FMN2: variants seen among roughly 807,000 people sequenced by gnomAD.
The protein encoded by FMN2 is formin 2.
FMN2 carries 51 observed loss-of-function variants against 142.3 expected under a neutral mutation model. The ratio of observed to expected loss-of-function variants is 0.36; its 90% confidence interval spans 0.29 to 0.45. The LOEUF is 0.45. FMN2 is among the 20% of genes least tolerant of loss of function. The pLI is 1.00. For missense variants in FMN2, 1,936 were observed against 2,122.8 expected, an observed-to-expected ratio of 0.91 and a Z score of 1.73; for synonymous variants, 882 against 869.8, an observed-to-expected ratio of 1.01 and a Z score of -0.25.
chr1:240,379,202 A>AATT (rs1221704938), intron 14 of FMN2, among the ~76,000 whole-genome samples: 11 of 152,144 alleles, frequency 7.2e-5, no homozygotes, highest in African/African-American at 2.7e-4. Flanking sequence ...TTTTACTAAT[A>AATT]ATTTACCTAC....
intron 14 of FMN2, among the ~76,000 whole-genome samples, chr1:240,376,929 T>A (rs1386479004): frequency 6.6e-6 from 1 of 152,206 alleles, no homozygotes; most frequent in Non-Finnish European, 1.5e-5. Context: ...ACAGGTGATG[T>A]CAGAACTCTA....
chr1:240,431,097 T>G (rs1180395786), intron 15 of FMN2, among the ~76,000 whole-genome samples: 2 of 152,070 alleles, frequency 1.3e-5, no homozygotes, highest in Admixed American at 1.3e-4. Context: ...ACCTTTACAG[T>G]TATTTCAGCT....
Position 240,093,106 on chromosome 1 carries a change from G to T in FMN2, c.997G>T (p.Glu333Ter). The part of the protein sequence containing the change: ...FPFPEAGPGE[E>*]AAGAPVRGAG... ...ATTTCCCGAGGCCGGGCCGGGGGAG[G>T]AAGCGGCCGGAGCCCCCGTGCGAGG... The change falls in exon 1 of 18, where the codon GAA (glutamate) becomes TAA (stop). Residue 333 changes from glutamate (E) to a stop codon, truncating the protein, a stop_gained. Coordinates refer to ENST00000319653, the MANE Select transcript of FMN2 (RefSeq NM_020066.5). LOFTEE classifies it high-confidence loss of function. 1 of 1,398,270 alleles carries T rather than the reference G, an allele frequency of 7.2e-7. No individual in the cohort carries two copies. The highest frequency in any genetic ancestry group is 9.2e-7 in the Non-Finnish European group (1 of 1,085,546). The allele number at this position is 1,398,270 out of a possible 1,614,324, so 86.6% of individuals were successfully genotyped here. A position where few individuals can be genotyped will look rare whatever the true frequency, so the allele number is the denominator to read the frequency against.
At chr1:240,159,171 T>C (rs1183899382) in intron 2 of FMN2, among the ~76,000 whole-genome samples, 1 of 151,998 alleles carries the variant, frequency 6.6e-6, no homozygotes, top group Non-Finnish European at 1.5e-5. Context: ...GCTACAAAAT[T>C]ATAAAGACTG....
intron 2 of FMN2, among the ~76,000 whole-genome samples, chr1:240,167,963 T>C (rs907274665): frequency 6.6e-6 from 1 of 152,098 alleles, no homozygotes; most frequent in Admixed American, 6.6e-5. Flanking sequence ...TCCCAGCTCC[T>C]GAGGAAGCTG....
intron 16 of FMN2, among the ~76,000 whole-genome samples, chr1:240,457,295 C>T (rs1676284755): frequency 6.6e-6 from 1 of 152,202 alleles, no homozygotes; most frequent in Non-Finnish European, 1.5e-5. Flanking sequence ...AGAGCATTTT[C>T]ATTCCAATTT....
intron 8 of FMN2, among the ~76,000 whole-genome samples, chr1:240,318,878 G>T: frequency 6.6e-6 from 1 of 152,102 alleles, no homozygotes; most frequent in Admixed American, 6.5e-5. Flanking sequence ...AGATGTTTAG[G>T]ATAACCCCCA....
chr1:240,135,970 T>A (rs906704282), intron 2 of FMN2, among the ~76,000 whole-genome samples: 2 of 149,906 alleles, frequency 1.3e-5, no homozygotes, highest in South Asian at 2.1e-4. Flanking sequence ...TGAGCCACCA[T>A]GCCTAGTCAT....
intron 7 of FMN2, among the ~76,000 whole-genome samples, chr1:240,292,099 T>G (rs1466870524): frequency 1.3e-5 from 2 of 152,166 alleles, no homozygotes; most frequent in Non-Finnish European, 2.9e-5. Context: ...GATTCCATGT[T>G]CTATGTTTGT....
chr1:240,245,482 G>A (rs1015563654), intron 6 of FMN2: 1 of 469,452 alleles, frequency 2.1e-6, no homozygotes, highest in Non-Finnish European at 4.4e-6. Flanking sequence ...GTTAGTCAAA[G>A]GTTCCCGTCC....
At chr1:240,461,084 G>A (rs1233025365) in intron 16 of FMN2, among the ~76,000 whole-genome samples, 9 of 152,280 alleles carry the variant, frequency 5.9e-5, no homozygotes, top group African/African-American at 1.9e-4. Flanking sequence ...TTCCTGCCTT[G>A]CTATTTGCCT....
intron 6 of FMN2, among the ~76,000 whole-genome samples, chr1:240,249,474 A>C (rs1397538578): frequency 6.6e-6 from 1 of 152,096 alleles, no homozygotes; most frequent in East Asian, 1.9e-4. Context: ...TTTTTATATC[A>C]ATACCATACA....
chr1:240,142,567 G>C lies in FMN2; in HGVS notation c.1782+19222G>C, dbSNP rs12073759. ...TCACTCAGTAACAAAAGAGCAGGAG[G>C]CAACAATTCCCCCGGAAGTCTGCAG... On this transcript the variant is annotated intron_variant, in intron 2 of 17. Coordinates refer to ENST00000319653, the MANE Select transcript of FMN2 (RefSeq NM_020066.5). 2.5e-3 allele frequency: 3,037 copies of C among 1,196,196 alleles called. 57 individuals are homozygous for C. The African/African-American group carries it at 0.035, about 14-fold the overall frequency. 74.1% of individuals were successfully genotyped at this position (1,196,196 alleles called of 1,614,324 possible).
rs1558361456 is a variant in FMN2, at chr1:240,207,578, TCCGCCGC to T, written c.2768_2774del (p.Pro923LeufsTer350). On this transcript the variant is annotated frameshift_variant, in exon 5 of 18. Coordinates refer to ENST00000319653, the MANE Select transcript of FMN2 (RefSeq NM_020066.5). LOFTEE classifies it high-confidence loss of function. ...CTCTTCCCGGAGCGGGCATACCTCC[TCCGCCGC>T]CTCTACCCGGAGCAGGCATACTCCC... 2 of 1,587,424 alleles carry T rather than the reference TCCGCCGC, an allele frequency of 1.3e-6. No individual in the cohort carries two copies. Among genetic ancestry groups the T allele is most frequent in the East Asian group, 2.3e-5 (1 of 43,290 alleles).
rs946812634 is a variant in FMN2, at chr1:240,459,724, A to T, written c.5061-12648A>T. Among the ~76,000 whole-genome samples, 14 of 15,486 alleles carry T rather than the reference A, an allele frequency of 9.0e-4. 2 individuals are homozygous for T. The highest frequency in any genetic ancestry group is 1.4e-3 in the Non-Finnish European group (9 of 6,664). 10.2% of individuals were successfully genotyped at this position (15,486 alleles called of 152,430 possible). A position where few individuals can be genotyped will look rare whatever the true frequency, so the allele number is the denominator to read the frequency against. On this transcript the variant is annotated intron_variant, in intron 16 of 17. Coordinates refer to ENST00000319653, the MANE Select transcript of FMN2 (RefSeq NM_020066.5). ...AGAACAAGACTCTGTCTCTAAAAAA[A>T]AAAAAAAAAAAAAAAAAAAAAAAAA...
chr1:240,151,791 G>A (rs531454553), intron 2 of FMN2, among the ~76,000 whole-genome samples: 66 of 152,036 alleles, frequency 4.3e-4, no homozygotes, highest in African/African-American at 1.6e-3. Flanking sequence ...TTTTGAGATA[G>A]GGTCTTGCTC....
chr1:240,262,312 T>C lies in FMN2; in HGVS notation c.4153+4280T>C, dbSNP rs533373110. On this transcript the variant is annotated intron_variant, in intron 7 of 17. Coordinates refer to ENST00000319653, the MANE Select transcript of FMN2 (RefSeq NM_020066.5). ...TGTGAGCTGGATCACTTCTCTGAGTTCGCTCTTCATTTTGTTTAGCATGGT... is the reference window on the plus strand; with the variant it reads ...TGTGAGCTGGATCACTTCTCTGAGTCCGCTCTTCATTTTGTTTAGCATGGT... 8.3e-4 allele frequency among the ~76,000 whole-genome samples: 127 copies of C among 152,256 alleles called. 1 individual carries two copies. Among genetic ancestry groups the C allele is most frequent in the African/African-American group, 2.7e-3 (113 of 41,550 alleles).
rs74408746 is a variant in FMN2, at chr1:240,280,851, C to T, written c.4154-13971C>T. Among the ~76,000 whole-genome samples the T allele has an allele frequency of 4.7e-3, 709 of 152,162 alleles. 5 individuals are homozygous for T. Among genetic ancestry groups the T allele is most frequent in the African/African-American group, 0.016 (682 of 41,532 alleles). On this transcript the variant is annotated intron_variant, in intron 7 of 17. Coordinates refer to ENST00000319653, the MANE Select transcript of FMN2 (RefSeq NM_020066.5). ...ATCTTATCTAAACAGTTGAGATAAG[C>T]GCCGAGTCGTACCCAGTGTGGTCAA...
chr1:240,093,683 G>T lies in FMN2; in HGVS notation c.1574G>T (p.Gly525Val). 1 of 1,358,808 alleles carries T rather than the reference G, an allele frequency of 7.4e-7. No individual in the cohort carries two copies. The highest frequency in any genetic ancestry group is 9.4e-7 in the Non-Finnish European group (1 of 1,061,896). The allele number at this position is 1,358,808 out of a possible 1,614,324, so 84.2% of individuals were successfully genotyped here. The stretch of plus-strand genomic sequence containing the variant: ...CCAGCACTGGCCGCCAAGGCGTCTG[G>T]GGCCCCCGCGGCTGCGGATGGCTTC... Reference protein sequence around the residue: ...VSPALAAKASGAPAAADGFQN... With the variant: ...VSPALAAKASVAPAAADGFQN... The change falls in exon 1 of 18, where the codon GGG becomes GTG. Residue 525 changes from glycine (G) to valine (V), a missense_variant. By Grantham distance (109) the Gly-to-Val change is moderately radical (BLOSUM62 -3). This residue lies in a region of FMN2 where 751 missense variants were observed against 791.8 expected (regional missense o/e 0.95). Transcript: ENST00000319653.
Sources: allele counts gnomAD v4.1 joint callset (sites outside exome capture counted in the v4.1 genomes callset), GRCh38; gene constraint gnomAD v4.1.1; regional missense constraint gnomAD v4.1.1; transcripts MANE v1.5; gene names NCBI Gene and HGNC (gene_info 2026-07-23, HGNC 2026-07-21).